MALL: variants seen among roughly 807,000 people sequenced by gnomAD.
The protein encoded by MALL is MAL-like protein.
Under a neutral mutation model 10.3 loss-of-function variants are expected in MALL, and 2 were observed. The ratio of observed to expected loss-of-function variants is 0.19; its 90% CI spans 0.08 to 0.61. The LOEUF (loss-of-function observed/expected upper bound fraction) is 0.61. Among genes scored for constraint, MALL ranks in the 20% least tolerant of loss-of-function variants. The pLI is 0.88. For missense variants in MALL, 39 were observed against 115.2 expected (o/e 0.34, Z 3.03); for synonymous variants, 27 against 51.8 (o/e 0.52, Z 2.05).
Position 110,115,727 on chromosome 2 carries a change from C to T in MALL, c.66G>A (p.Leu22=). The T allele has an allele frequency of 2.3e-6, 3 of 1,292,786 alleles. No individual in the cohort carries two copies. The highest frequency in any genetic ancestry group is 3.0e-6 in the Non-Finnish European group (3 of 1,012,912). 80.1% of individuals were successfully genotyped at this position (1,292,786 alleles called of 1,614,324 possible). ...AGAAGGCGAAAGGGATGGTGAGGAACAGCGCGACCCCCGAGGGCACGTCGG... is the reference window on the plus strand; with the variant it reads ...AGAAGGCGAAAGGGATGGTGAGGAATAGCGCGACCCCCGAGGGCACGTCGG... ...APSDVPSGVA[L]FLTIPFAFFL... is the part of the protein sequence containing the mutation. Residue 22 remains leucine (L), a synonymous_variant, in exon 1 of 4, where the codon CTG becomes CTA. Coordinates refer to ENST00000272462, the MANE Select transcript of MALL (RefSeq NM_005434.5).
chr2:110,110,246 C>A lies in MALL; in HGVS notation c.105+5442G>T, dbSNP rs184302324. On this transcript the variant is annotated intron_variant, in intron 1 of 3. Coordinates refer to ENST00000272462, the MANE Select transcript of MALL (RefSeq NM_005434.5). ...GAGCAGAACTAAATGAAATTGAAAC[C>A]AAAAAAACCCATGAAAGATAAATGA... 4.9e-3 allele frequency among the ~76,000 whole-genome samples: 735 copies of A among 151,380 alleles called. 11 individuals carry two copies. The highest frequency in any genetic ancestry group is 0.017 in the African/African-American group (699 of 41,372).
chr2:110,115,491 C>T (rs1375343159), intron 1 of MALL, among the ~76,000 whole-genome samples, 197 bp downstream of exon 1: 1 of 151,686 alleles, frequency 6.6e-6, no homozygotes, highest in Non-Finnish European at 1.5e-5. Flanking sequence ...TCGGTCCGGT[C>T]TGGGTCTCTC....
At chr2:110,116,162 T>C (rs1183945046), upstream of MALL, 1 of 200,802 alleles carries the variant, frequency 5.0e-6, no homozygotes, top group African/African-American at 2.3e-5. Context: ...CTACGAGGGC[T>C]GCGTACTGAG....
intron 1 of MALL, among the ~76,000 whole-genome samples, chr2:110,096,220 G>T (rs547540850): frequency 6.6e-6 from 1 of 152,236 alleles, no homozygotes; most frequent in East Asian, 1.9e-4. Context: ...GGGAGGCTGC[G>T]TTGTTCCCCA....
At chr2:110,115,641 C>A in intron 1 of MALL, 47 bp downstream of exon 1, 2 of 1,115,494 alleles carry the variant, frequency 1.8e-6, no homozygotes, top group African/African-American at 1.6e-5. Flanking sequence ...AGGCCGGTCT[C>A]CCCCTCCCTC....
At chr2:110,098,790 C>T (rs1429621740) in intron 1 of MALL, among the ~76,000 whole-genome samples, 1 of 152,058 alleles carries the variant, frequency 6.6e-6, no homozygotes, top group East Asian at 1.9e-4. Flanking sequence ...ATCACTCGAG[C>T]CCAAGTGTTC....
chr2:110,109,563 A>G (rs1678758633), intron 1 of MALL, among the ~76,000 whole-genome samples: 2 of 152,178 alleles, frequency 1.3e-5, no homozygotes, highest in East Asian at 1.9e-4. Flanking sequence ...ACAATTACTA[A>G]TAGACCTAAG....
At chr2:110,109,048 A>G (rs1678750588) in intron 1 of MALL, among the ~76,000 whole-genome samples, 1 of 152,226 alleles carries the variant, frequency 6.6e-6, no homozygotes, top group South Asian at 2.1e-4. Context: ...GAAGCTCTAA[A>G]TCTTGAAACA....
intron 1 of MALL, among the ~76,000 whole-genome samples, chr2:110,115,197 G>A (rs73954606): frequency 6.6e-6 from 1 of 152,204 alleles, no homozygotes; most frequent in East Asian, 1.9e-4. Flanking sequence ...CTCTCAGAGG[G>A]AAACACAGTC....
intron 1 of MALL, among the ~76,000 whole-genome samples, chr2:110,108,588 G>C (rs1678741930): frequency 6.6e-6 from 1 of 152,070 alleles, no homozygotes; most frequent in Non-Finnish European, 1.5e-5. Context: ...TGAGGAAGAA[G>C]AGAATTCTAA....
chr2:110,107,369 A>ACTGGCCATT (rs1203001971), intron 1 of MALL, among the ~76,000 whole-genome samples: 35 of 152,126 alleles, frequency 2.3e-4, no homozygotes, highest in African/African-American at 8.2e-4. Flanking sequence ...AGGGAGTGAG[A>ACTGGCCATT]CTGGCCATTT....
intron 1 of MALL, among the ~76,000 whole-genome samples, chr2:110,111,667 T>C (rs1280478756): frequency 6.6e-6 from 1 of 151,770 alleles, no homozygotes; most frequent in Non-Finnish European, 1.5e-5. Flanking sequence ...CCAAAAGCAA[T>C]CTACAAATTC....
upstream of MALL, among the ~76,000 whole-genome samples, chr2:110,117,702 T>C (rs1348103083): frequency 6.6e-6 from 1 of 151,650 alleles, no homozygotes; most frequent in East Asian, 1.9e-4. Context: ...AGGATCATGG[T>C]TCCTCTGATC....
At chr2:110,106,758 C>A (rs1678705378) in intron 1 of MALL, among the ~76,000 whole-genome samples, 1 of 152,138 alleles carries the variant, frequency 6.6e-6, no homozygotes, top group Non-Finnish European at 1.5e-5. Context: ...CAAAAGCCTG[C>A]ACACAAGTTT....
intron 1 of MALL, 105 bp from the exon 2 acceptor site, chr2:110,091,875 G>C (rs1165393615): frequency 7.0e-7 from 1 of 1,425,086 alleles, no homozygotes; most frequent in African/African-American, 1.5e-5. Flanking sequence ...TTCAGGTGAA[G>C]TTAGGAGGGA....
At chr2:110,116,304 C>G (rs1444927163), upstream of MALL, 1 of 152,936 alleles carries the variant, frequency 6.5e-6, no homozygotes, top group Non-Finnish European at 1.5e-5. Context: ...GAGCTGGTTA[C>G]TAACAATGCT....
chr2:110,095,626 C>A (rs1678424069), intron 1 of MALL, among the ~76,000 whole-genome samples: 1 of 151,228 alleles, frequency 6.6e-6, no homozygotes, highest in Non-Finnish European at 1.5e-5. Flanking sequence ...TTATAACCTG[C>A]ATTTTAAATT....
chr2:110,111,259 A>G (rs113470282), intron 1 of MALL, among the ~76,000 whole-genome samples: 3 of 152,260 alleles, frequency 2.0e-5, no homozygotes, highest in African/African-American at 7.2e-5. Context: ...CATCCAAATC[A>G]GTAAAGAGGA....
intron 1 of MALL, among the ~76,000 whole-genome samples, chr2:110,104,059 A>G (rs1171786534): frequency 1.3e-5 from 2 of 151,322 alleles, no homozygotes; most frequent in Non-Finnish European, 3.0e-5. Flanking sequence ...AATCAGCAGC[A>G]GCAGCTGGAG....
Sources: allele counts gnomAD v4.1 joint callset (sites outside exome capture counted in the v4.1 genomes callset), GRCh38; gene constraint gnomAD v4.1.1; transcripts MANE v1.5; gene names NCBI Gene and HGNC (gene_info 2026-07-23, HGNC 2026-07-21).